PRR3: variants seen among roughly 807,000 people sequenced by gnomAD.
PRR3 encodes the protein proline-rich protein 3.
A neutral mutation model predicts 22.4 loss-of-function variants in PRR3; 16 were observed. The observed-to-expected ratio is 0.71, with a 90% confidence interval of 0.48 to 1.09. The LOEUF (loss-of-function observed/expected upper bound fraction) is 1.09. Ranked by LOEUF, PRR3 falls within the 50% of genes least tolerant of loss-of-function variation. The pLI, the probability that PRR3 is intolerant of heterozygous loss-of-function variation, is 0.00. For missense variants in PRR3, 224 were observed against 243.4 expected (o/e 0.92, Z 0.53); for synonymous variants, 87 against 88.6 (o/e 0.98, Z 0.10).
intron 2 of PRR3, chr6:30,560,796 A>G (rs548805838): frequency 6.6e-6 from 1 of 152,612 alleles, no homozygotes; most frequent in Non-Finnish European, 1.5e-5. Context: ...AAACAAACAA[A>G]AACTTGGAGA....
chr6:30,561,139 C>A lies in PRR3; in HGVS notation c.170-695C>A. The A allele has an allele frequency of 3.6e-6, 1 of 281,660 alleles. No homozygotes were observed. The highest frequency in any genetic ancestry group is 7.0e-6 in the Non-Finnish European group (1 of 143,662). 17.4% of individuals were successfully genotyped at this position (281,660 alleles called of 1,614,324 possible). On this transcript the variant is annotated intron_variant, in intron 2 of 3. Transcript: ENST00000376560. The surrounding 1 kb of genome is among the most constrained non-coding windows in gnomAD (Gnocchi z 4.0). Reference sequence around the variant, plus strand: ...TCCAAGTGTTGTCAAGGCTATAGGACAACTGCTGGTGAGAGTGCAAATTGG... The same window carrying A: ...TCCAAGTGTTGTCAAGGCTATAGGAAAACTGCTGGTGAGAGTGCAAATTGG...
chr6:30,556,928 A>C, upstream of PRR3: 1 of 614,276 alleles, frequency 1.6e-6, no homozygotes, highest in South Asian at 1.9e-5. The surrounding 1 kb of genome is among the most constrained non-coding windows in gnomAD (Gnocchi z 5.7). Context: ...GTCAAAGGGC[A>C]CGAAGTTGTG....
chr6:30,557,269 G>C (rs1800302169), upstream of PRR3: 1 of 1,147,658 alleles, frequency 8.7e-7, no homozygotes, highest in Non-Finnish European at 1.3e-6. Context: ...CGACCCCCCG[G>C]AAGCGGAAAC....
upstream of PRR3, chr6:30,556,791 C>A (rs1800243934): frequency 2.1e-6 from 1 of 466,152 alleles, no homozygotes; most frequent in African/African-American, 2.0e-5. The surrounding 1 kb of genome is among the most constrained non-coding windows in gnomAD (Gnocchi z 5.7). Flanking sequence ...GTCTGAGAGT[C>A]CTGGGTGCCG....
upstream of PRR3, chr6:30,557,034 C>T: frequency 1.4e-6 from 1 of 698,240 alleles, no homozygotes; most frequent in Non-Finnish European, 2.6e-6. Context: ...AGCCTGTTGA[C>T]TCTGTGACAC....
chr6:30,558,298 T>G, intron 2 of PRR3, 86 bp downstream of exon 2: 1 of 1,119,854 alleles, frequency 8.9e-7, no homozygotes, highest in Non-Finnish European at 1.3e-6. Context: ...GACTTAAAAA[T>G]AAAAGATCAG....
Position 30,562,635 on chromosome 6 carries a change from C to G in PRR3, c.*140C>G. ...CACACCCATCCCATCCACCACTTCC[C>G]CCGTGTGGGGTCCAGAGTGGTGTTG... On this transcript the variant is annotated 3_prime_UTR_variant, in exon 4 of 4. Coordinates refer to ENST00000376560, the MANE Select transcript of PRR3 (RefSeq NM_025263.4). 1.6e-6 allele frequency: 1 copy of G among 631,538 alleles called. No individual in the cohort carries two copies. Among genetic ancestry groups the G allele is most frequent in the Non-Finnish European group, 2.8e-6 (1 of 357,258 alleles). 39.1% of individuals were successfully genotyped at this position (631,538 alleles called of 1,614,324 possible). A position where few individuals can be genotyped will look rare whatever the true frequency, so the allele number is the denominator to read the frequency against.
Position 30,563,515 on chromosome 6 carries a change from T to A in PRR3, c.*1020T>A, listed in dbSNP as rs1800782552. The A allele has an allele frequency of 6.6e-6, 1 of 152,610 alleles. No homozygotes were observed. 9.5% of individuals were successfully genotyped at this position (152,610 alleles called of 1,614,324 possible). ...TTGCCCTCTTCCAATCCTCTTCCCC[T>A]ACATCCCTGGCACTGGTTGTTTTCT... On this transcript the variant is annotated 3_prime_UTR_variant, in exon 4 of 4. Coordinates refer to ENST00000376560, the MANE Select transcript of PRR3 (RefSeq NM_025263.4).
chr6:30,556,723 G>T, upstream of PRR3: 1 of 376,886 alleles, frequency 2.7e-6, no homozygotes, highest in Non-Finnish European at 4.9e-6. The surrounding 1 kb of genome is among the most constrained non-coding windows in gnomAD (Gnocchi z 5.7). Flanking sequence ...CCGAGACTGC[G>T]TCCAGGTTGC....
chr6:30,562,452 T>C lies in PRR3; in HGVS notation c.524T>C (p.Leu175Pro). Residue 175 changes from leucine to proline, a missense_variant, in exon 4 of 4, where the codon CTC (leucine) becomes CCC (proline). Physicochemically the swap from Leu to Pro is moderately conservative, Grantham distance 98. Transcript: ENST00000376560. Reference sequence around the variant, plus strand: ...AAGGGCCACTGTCGATATGAGGACCTCTGTGCCTTCTACCATCCAGGCGTC... The same window carrying C: ...AAGGGCCACTGTCGATATGAGGACCCCTGTGCCTTCTACCATCCAGGCGTC... ...AKKGHCRYED[L>P]CAFYHPGVNG... 4.3e-6 allele frequency: 7 copies of C among 1,614,102 alleles called. No individual in the cohort carries two copies. Among genetic ancestry groups the C allele is most frequent in the Non-Finnish European group, 5.1e-6 (6 of 1,179,904 alleles).
chr6:30,559,631 G>A (rs1164690362), intron 2 of PRR3, among the ~76,000 whole-genome samples: 4 of 152,078 alleles, frequency 2.6e-5, no homozygotes, highest in African/African-American at 9.7e-5. Flanking sequence ...GTAAATGCAA[G>A]ATAAAAATAT....
At chr6:30,562,187 C>T in intron 3 of PRR3, 63 bp downstream of exon 3, 1 of 1,473,766 alleles carries the variant, frequency 6.8e-7, no homozygotes, top group Non-Finnish European at 9.1e-7. Flanking sequence ...AGATCATTCA[C>T]AATCTTCTCT....
chr6:30,561,432 G>A lies in PRR3; in HGVS notation c.170-402G>A, dbSNP rs146159145. 9.6e-3 allele frequency: 4,682 copies of A among 486,840 alleles called. 49 individuals are homozygous for A. The highest frequency in any genetic ancestry group is 0.032 in the Middle Eastern group (102 of 3,230). 30.2% of individuals were successfully genotyped at this position (486,840 alleles called of 1,614,324 possible). On this transcript the variant is annotated intron_variant, in intron 2 of 3. Transcript: ENST00000376560. The surrounding 1 kb of genome is among the most constrained non-coding windows in gnomAD (Gnocchi z 4.0). ...ACACTGCAACGAAAATGAATGAACT[G>A]CTGCTACAGGCAACCTGGATGAATC...
upstream of PRR3, chr6:30,556,827 G>T: frequency 1.9e-6 from 1 of 524,688 alleles, no homozygotes; most frequent in Admixed American, 3.4e-5. This position sits in a 1 kb window ranked among gnomAD's most constrained non-coding sequence, Gnocchi z 5.7. Context: ...AATTCCTTGT[G>T]GGAACGATGA....
rs1184342926 is a variant in PRR3 at position 30,562,412 on chromosome 6, C to T, written c.484C>T (p.Arg162Ter). ...AGACAAATCCGACCGCCCTGTCTGC[C>T]GACATTTTGCCAAAAAGGGCCACTG... is the stretch of plus-strand genomic sequence containing the variant. ...MEDKSDRPVC[R>*]HFAKKGHCRY... Residue 162 changes from arginine to a stop codon, truncating the protein, a stop_gained, in exon 4 of 4, where the codon CGA (arginine) becomes TGA (stop). Coordinates refer to ENST00000376560, the MANE Select transcript of PRR3 (RefSeq NM_025263.4). LOFTEE classifies it high-confidence loss of function. The T allele has an allele frequency of 2.5e-6, 4 of 1,614,030 alleles. No homozygotes were observed. Among genetic ancestry groups the T allele is most frequent in the South Asian group, 1.1e-5 (1 of 91,066 alleles).
upstream of PRR3, chr6:30,557,010 C>A: frequency 1.5e-6 from 1 of 681,294 alleles, no homozygotes; most frequent in Non-Finnish European, 2.7e-6. Flanking sequence ...TCTTCTCAGG[C>A]CCTCTGGCCC....
rs185124289 is a variant in PRR3, at chr6:30,557,330, A to G, written c.-15A>G. ...CTACCCTCCAAATCCCGCTGCAGCC[A>G]TTGCCGCAGACACGATGCCGAAACG... On this transcript the variant is annotated 5_prime_UTR_variant, in exon 1 of 4. Coordinates refer to ENST00000376560, the MANE Select transcript of PRR3 (RefSeq NM_025263.4). 1,410 of 1,607,150 alleles carry G rather than the reference A, an allele frequency of 8.8e-4. 12 individuals carry two copies. Among genetic ancestry groups the G allele is most frequent in the Non-Finnish European group, 3.2e-4 (376 of 1,175,968 alleles).
Position 30,563,604 on chromosome 6 carries a change from A to T in PRR3, c.*1109A>T, listed in dbSNP as rs1800789031. 1 of 150,478 alleles carries T rather than the reference A, an allele frequency of 6.6e-6. No homozygotes were observed. Among genetic ancestry groups the T allele is most frequent in the African/African-American group, 2.4e-5 (1 of 40,818 alleles). The allele number at this position is 150,478 out of a possible 1,614,324, so 9.3% of individuals were successfully genotyped here. A position where few individuals can be genotyped will look rare whatever the true frequency, so the allele number is the denominator to read the frequency against. On this transcript the variant is annotated 3_prime_UTR_variant, in exon 4 of 4. Transcript: ENST00000376560. ...CCTGAGGAAATGGGTCAGGAGTTGT[A>T]TTGGCAAGAGGGAGGGGTGAGAGCT...
At chr6:30,556,807 T>C (rs901222103), upstream of PRR3, 5 of 483,538 alleles carry the variant, frequency 1.0e-5, no homozygotes, top group South Asian at 2.2e-5. This position sits in a 1 kb window ranked among gnomAD's most constrained non-coding sequence, Gnocchi z 5.7. Flanking sequence ...TGCCGACCTG[T>C]TGGGACCCAA....
Sources: allele counts gnomAD v4.1 joint callset (sites outside exome capture counted in the v4.1 genomes callset), GRCh38; gene constraint gnomAD v4.1.1; non-coding constraint Gnocchi (gnomAD v3.1); transcripts MANE v1.5; gene names NCBI Gene and HGNC (gene_info 2026-07-23, HGNC 2026-07-21).